MROH2B: variants seen among roughly 807,000 people sequenced by gnomAD.
MROH2B encodes the protein maestro heat-like repeat-containing protein family member 2B.
A neutral mutation model predicts 208.6 loss-of-function variants in MROH2B; 177 were observed. That is an observed-to-expected ratio of 0.85 (90% confidence interval 0.75 to 0.96). The LOEUF (loss-of-function observed/expected upper bound fraction) is 0.96. Among genes scored for constraint, MROH2B ranks in the 40% least tolerant of loss-of-function variants. MROH2B has a pLI of 0.00. For missense variants in MROH2B, 2,002 were observed against 1,878.7 expected (o/e 1.07, Z -1.21); for synonymous variants, 728 against 659.0 (o/e 1.10, Z -1.60).
chr5:41,064,458 A>C lies in MROH2B; in HGVS notation c.460+14T>G, dbSNP rs1743735769. The C allele has an allele frequency of 6.2e-7, 1 of 1,609,450 alleles. No homozygotes were observed. The highest frequency in any genetic ancestry group is 8.5e-7 in the Non-Finnish European group (1 of 1,176,878). ...CTGGTTTTTAAGCAAAAAGGAAATC[A>C]TCGGGATACCCACCAATACAGAAAG... On this transcript the variant is annotated intron_variant, in intron 5 of 41. Transcript: ENST00000399564.
rs767061410 is a variant in MROH2B, at chr5:41,015,361, G to A, written c.2982+20C>T. ...TCAATCCAGAATCTTTACATCCCCT[G>A]GCCACTCCATATTTATTACCTTAGC... On this transcript the variant is annotated intron_variant, in intron 29 of 41. Coordinates refer to ENST00000399564, the MANE Select transcript of MROH2B (RefSeq NM_173489.5). 2 of 1,598,788 alleles carry A rather than the reference G, an allele frequency of 1.3e-6. No homozygotes were observed. The highest frequency in any genetic ancestry group is 4.5e-5 in the East Asian group (2 of 44,800).
intron 33 of MROH2B, 100 bp downstream of exon 33, chr5:41,008,506 G>C (rs1471012283): frequency 7.5e-7 from 1 of 1,339,294 alleles, no homozygotes. Flanking sequence ...ATGGACAATG[G>C]ATGCTATGAC....
intron 4 of MROH2B, among the ~76,000 whole-genome samples, 155 bp downstream of exon 4, chr5:41,065,176 C>A (rs1409024576): frequency 3.9e-5 from 6 of 152,152 alleles, no homozygotes; most frequent in African/African-American, 1.4e-4. Flanking sequence ...ATCATCCATG[C>A]TCATTTTAAA....
intron 40 of MROH2B, 107 bp from the exon 41 acceptor site, chr5:40,998,784 G>T (rs1335702107): frequency 2.3e-6 from 2 of 869,490 alleles, no homozygotes; most frequent in Admixed American, 2.3e-5. Context: ...ATGGTAGGCT[G>T]GTGAATGAGC....
chr5:41,014,904 A>G (rs937317307), intron 29 of MROH2B, among the ~76,000 whole-genome samples: 1 of 152,222 alleles, frequency 6.6e-6, no homozygotes, highest in Non-Finnish European at 1.5e-5. Flanking sequence ...TCAGTGAAAC[A>G]GGAATTGTAT....
At chr5:41,047,886 G>T (rs1468333400) in intron 16 of MROH2B, 122 bp from the exon 17 acceptor site, 1 of 794,464 alleles carries the variant, frequency 1.3e-6, no homozygotes, top group South Asian at 1.7e-5. Context: ...TGCTCATAAT[G>T]CTTATTTGAG....
Position 41,065,434 on chromosome 5 carries a change from A to T in MROH2B, c.258T>A (p.His86Gln). 1.2e-6 allele frequency: 2 copies of T among 1,613,568 alleles called. No individual in the cohort carries two copies. The highest frequency in any genetic ancestry group is 8.5e-7 in the Non-Finnish European group (1 of 1,179,686). The change falls in exon 4 of 42, where the codon CAT becomes CAA. Residue 86 changes from histidine to glutamine, a missense_variant. His to Gln is a conservative substitution (Grantham distance 24). Coordinates refer to ENST00000399564, the MANE Select transcript of MROH2B (RefSeq NM_173489.5). ...AGEVLVSLAA[H>Q]DFNSVMYEVQ... Reference sequence around the variant, plus strand: ...CTTCATACATCACAGAGTTGAAATCATGTGCAGCAAGAGACACCAAAACCT... The same window carrying T: ...CTTCATACATCACAGAGTTGAAATCTTGTGCAGCAAGAGACACCAAAACCT...
In MROH2B at chr5:41,025,538, A is replaced by G. The variant is rs184273339; in HGVS notation, c.2442-6520T>C. Reference sequence around the variant, plus strand: ...TAAGAGGCTCTGAAATTGAAGCAATAATTAATAGCTTACCAACCAAAAAAA... The same window carrying G: ...TAAGAGGCTCTGAAATTGAAGCAATGATTAATAGCTTACCAACCAAAAAAA... On this transcript the variant is annotated intron_variant, in intron 24 of 41. Coordinates refer to ENST00000399564, the MANE Select transcript of MROH2B (RefSeq NM_173489.5). 1.5e-3 allele frequency among the ~76,000 whole-genome samples: 231 copies of G among 152,318 alleles called. 2 individuals are homozygous for G. The highest frequency in any genetic ancestry group is 2.4e-3 in the Non-Finnish European group (165 of 68,040).
chr5:41,054,795 T>G lies in MROH2B; in HGVS notation c.1079A>C (p.Lys360Thr), dbSNP rs1161652697. Residue 360 changes from lysine to threonine, a missense_variant, in exon 11 of 42, where the codon AAA becomes ACA. Physicochemically the swap from Lys to Thr is moderately conservative, Grantham distance 78. Coordinates refer to ENST00000399564, the MANE Select transcript of MROH2B (RefSeq NM_173489.5). ...TGTACTGAGATCACCCATGACGATTTTGACTGTTCTTTCTATTGAAATGAT... is the reference window on the plus strand; with the variant it reads ...TGTACTGAGATCACCCATGACGATTGTGACTGTTCTTTCTATTGAAATGAT... ...DHIISIERTVKIVMGDLSTKV... is the reference protein window; with the variant it reads ...DHIISIERTVTIVMGDLSTKV... 1 of 1,611,952 alleles carries G rather than the reference T, an allele frequency of 6.2e-7. No homozygotes were observed. Among genetic ancestry groups the G allele is most frequent in the African/African-American group, 1.3e-5 (1 of 74,886 alleles).
rs200786698 is a variant in MROH2B at position 41,023,281 on chromosome 5, C to T, written c.2442-4263G>A. Among the ~76,000 whole-genome samples, 9 of 152,082 alleles carry T rather than the reference C, an allele frequency of 5.9e-5. No individual in the cohort carries two copies. The East Asian group carries it at 1.7e-3, about 29-fold the overall frequency. ...GAAGTTCGAACCCATCGCAAGGAAGCTAAAAATCTTGAAAAAAGATTAGAT... is the reference window on the plus strand; with the variant it reads ...GAAGTTCGAACCCATCGCAAGGAAGTTAAAAATCTTGAAAAAAGATTAGAT... On this transcript the variant is annotated intron_variant, in intron 24 of 41. Transcript: ENST00000399564.
At chr5:41,027,439 T>C (rs920214792) in intron 24 of MROH2B, among the ~76,000 whole-genome samples, 1 of 151,608 alleles carries the variant, frequency 6.6e-6, no homozygotes, top group African/African-American at 2.4e-5. Flanking sequence ...CATGAAAAAA[T>C]GCTCATCATC....
intron 18 of MROH2B, among the ~76,000 whole-genome samples, chr5:41,045,371 T>C (rs1458046393): frequency 6.6e-6 from 1 of 152,158 alleles, no homozygotes; most frequent in Non-Finnish European, 1.5e-5. Flanking sequence ...TTCTTTTTGA[T>C]TGCCAGCCTC....
In MROH2B at chr5:41,045,772, T is replaced by A. The variant is rs762611351; in HGVS notation, c.1810A>T (p.Ser604Cys). The A allele has an allele frequency of 1.9e-6, 3 of 1,613,586 alleles. No individual in the cohort carries two copies. In the Admixed American group the frequency reaches 5.0e-5, roughly 27 times the overall value. Residue 604 changes from serine to cysteine, a missense_variant, in exon 18 of 42, where the codon AGT becomes TGT. Coordinates refer to ENST00000399564, the MANE Select transcript of MROH2B (RefSeq NM_173489.5). ...LTQDFKQQMGSYSNNSTEKKF... is the reference protein window; with the variant it reads ...LTQDFKQQMGCYSNNSTEKKF... ...TTCTCAGTGGAGTTATTGCTGTAAC[T>A]GCCCATTTGCTGTTTGAAATCCTGA... is the stretch of plus-strand genomic sequence containing the variant.
At chr5:41,018,533 C>A in intron 26 of MROH2B, 103 bp from the exon 27 acceptor site, 1 of 1,450,814 alleles carries the variant, frequency 6.9e-7, no homozygotes, top group Non-Finnish European at 9.4e-7. Context: ...ACGGTGCTCA[C>A]CTCCCCACAA....
chr5:41,056,924 C>T (rs1022011349), intron 9 of MROH2B, 185 bp downstream of exon 9: 16 of 647,374 alleles, frequency 2.5e-5, no homozygotes, highest in South Asian at 3.8e-5. Context: ...CCATTCTTCC[C>T]GTCCTGCTCC....
rs375906292 is a variant in MROH2B at position 41,045,819 on chromosome 5, A to T, written c.1763T>A (p.Val588Glu). 1.2e-6 allele frequency: 2 copies of T among 1,612,482 alleles called. No homozygotes were observed. Among genetic ancestry groups the T allele is most frequent in the South Asian group, 2.2e-5 (2 of 90,796 alleles). The change falls in exon 18 of 42, where the codon GTG becomes GAG. Residue 588 changes from valine to glutamate, a missense_variant. Transcript: ENST00000399564. The part of the protein sequence containing the change: ...LKESLWKISD[V>E]AWTIQLTQDF... ...CTGAGTCAGCTGAATGGTCCAGGCC[A>T]CATCACTGATCTTCCATAAGGATTC...
chr5:41,025,857 C>A (rs1327039295), intron 24 of MROH2B, among the ~76,000 whole-genome samples: 2 of 152,216 alleles, frequency 1.3e-5, no homozygotes, highest in Non-Finnish European at 2.9e-5. Context: ...TGGGCTTCAT[C>A]CCAGGGATGC....
intron 39 of MROH2B, 103 bp from the exon 40 acceptor site, chr5:40,999,882 A>G (rs1009471979): frequency 2.1e-6 from 2 of 965,658 alleles, no homozygotes; most frequent in African/African-American, 3.3e-5. Flanking sequence ...GCCAGTGAGC[A>G]CTCACACAGC....
At chr5:41,022,970 G>T (rs1742209932) in intron 24 of MROH2B, among the ~76,000 whole-genome samples, 1 of 152,206 alleles carries the variant, frequency 6.6e-6, no homozygotes, top group African/African-American at 2.4e-5. Flanking sequence ...TAACAGACCT[G>T]CAGCTGAGGG....
Sources: gnomAD v4.1 joint callset for allele counts (sites outside exome capture counted in the v4.1 genomes callset) on GRCh38, gnomAD v4.1.1 for gene constraint, MANE v1.5 for transcripts, NCBI Gene and HGNC (gene_info 2026-07-23, HGNC 2026-07-21) for gene names.